AGBL4: variants seen among roughly 807,000 people sequenced by gnomAD.
The protein encoded by AGBL4 is AGBL carboxypeptidase 4.
Under a neutral mutation model 66.4 loss-of-function variants are expected in AGBL4, and 58 were observed. That is an observed-to-expected ratio of 0.87 (90% confidence interval 0.71 to 1.09). The LOEUF is 1.09. Ranked by LOEUF, AGBL4 falls within the 50% of genes least tolerant of loss-of-function variation. The pLI is 0.00. For missense variants in AGBL4, 579 were observed against 631.0 expected (o/e 0.92, Z 0.88); for synonymous variants, 234 against 222.9 (o/e 1.05, Z -0.44).
At chr1:48,989,330 G>C (rs565118699) in intron 5 of AGBL4, among the ~76,000 whole-genome samples, 2 of 152,014 alleles carry the variant, frequency 1.3e-5, no homozygotes, top group South Asian at 4.2e-4. Flanking sequence ...CAAGGTAAAT[G>C]GGGTATCCAT....
rs968566181 is a variant in AGBL4 at position 49,056,255 on chromosome 1, G to GA, written c.378-10456dup. Among the ~76,000 whole-genome samples, 128 of 145,488 alleles carry GA rather than the reference G, an allele frequency of 8.8e-4. 1 individual carries two copies. Among genetic ancestry groups the GA allele is most frequent in the African/African-American group, 2.9e-3 (114 of 39,680 alleles). On this transcript the variant is annotated intron_variant, in intron 4 of 13. Coordinates refer to ENST00000371839, the MANE Select transcript of AGBL4 (RefSeq NM_032785.4). The stretch of plus-strand genomic sequence containing the variant: ...CTAGCTGTTGTAGAAGCAGAAGGGG[G>GA]AAAAAAAAAAGCAATTCCATGCTTT...
At chr1:49,467,081 G>T (rs77052079) in intron 3 of AGBL4, among the ~76,000 whole-genome samples, 4,168 of 151,934 alleles carry the variant, frequency 0.027, 167 homozygotes, top group African/African-American at 0.095. Context: ...GGAAACTAAG[G>T]TAGGAGGTGA....
intron 3 of AGBL4, among the ~76,000 whole-genome samples, chr1:49,474,920 C>T (rs1204366768): frequency 1.3e-5 from 2 of 151,980 alleles, no homozygotes; most frequent in Non-Finnish European, 2.9e-5. Context: ...TATGTAGATG[C>T]CTTTTATTTC....
Position 49,576,556 on chromosome 1 carries a change from A to T in AGBL4, c.282+120757T>A, listed in dbSNP as rs143413985. 5.1e-4 allele frequency among the ~76,000 whole-genome samples: 77 copies of T among 152,348 alleles called. 1 individual carries two copies. The East Asian group carries it at 0.011, about 23-fold the overall frequency. ...GAAACTGAAAGTTTGACTATGGGTC[A>T]TCAAGTCACCATGCGAATTGAACTG... On this transcript the variant is annotated intron_variant, in intron 3 of 13. Coordinates refer to ENST00000371839, the MANE Select transcript of AGBL4 (RefSeq NM_032785.4).
At chr1:49,426,881 G>A (rs1459336928) in intron 3 of AGBL4, among the ~76,000 whole-genome samples, 1 of 152,116 alleles carries the variant, frequency 6.6e-6, no homozygotes, top group Non-Finnish European at 1.5e-5. Flanking sequence ...GAAGAAGGAA[G>A]TGTTGAAAAA....
At chr1:48,670,141 A>G (rs535020862) in intron 6 of AGBL4, among the ~76,000 whole-genome samples, 66 of 152,250 alleles carry the variant, frequency 4.3e-4, no homozygotes, top group South Asian at 1.5e-3. Context: ...TTTCTGGTGT[A>G]CCTCCCTATC....
At chr1:48,539,601 G>A in intron 12 of AGBL4, 41 bp downstream of exon 12, 1 of 1,461,712 alleles carries the variant, frequency 6.8e-7, no homozygotes, top group Non-Finnish European at 9.2e-7. Flanking sequence ...ACAGCCCGTG[G>A]AGCAGAACTC....
intron 1 of AGBL4, among the ~76,000 whole-genome samples, chr1:49,883,854 C>G (rs1204624334): frequency 6.6e-6 from 1 of 151,778 alleles, no homozygotes; most frequent in Admixed American, 6.6e-5. Context: ...AAAAACTAAG[C>G]CTGCAGTGTT....
chr1:49,973,602 T>C (rs1458154806), intron 1 of AGBL4, among the ~76,000 whole-genome samples: 7 of 148,494 alleles, frequency 4.7e-5, no homozygotes, highest in African/African-American at 1.7e-4. Flanking sequence ...TATATATTGT[T>C]ATATATGGAT....
intron 2 of AGBL4, among the ~76,000 whole-genome samples, chr1:49,838,052 T>C (rs1645897642): frequency 6.6e-6 from 1 of 152,122 alleles, no homozygotes; most frequent in Non-Finnish European, 1.5e-5. Context: ...TCGTGCCAGG[T>C]AGTTCAATAA....
At chr1:48,567,496 A>G (rs764862530) in intron 11 of AGBL4, among the ~76,000 whole-genome samples, 2 of 152,202 alleles carry the variant, frequency 1.3e-5, no homozygotes, top group Admixed American at 6.5e-5. Context: ...GCAGCTCTCA[A>G]AGCTATAGCA....
Position 49,740,241 on chromosome 1 carries a change from G to A in AGBL4, c.158-42804C>T, listed in dbSNP as rs576395298. ...AAATGGAAAACAAAAAAAGGCAGGG[G>A]TTGCAATCCTAGTCTCTGATAAAAC... On this transcript the variant is annotated intron_variant, in intron 2 of 13. Coordinates refer to ENST00000371839, the MANE Select transcript of AGBL4 (RefSeq NM_032785.4). Among the ~76,000 whole-genome samples the A allele has an allele frequency of 3.2e-4, 49 of 152,176 alleles. 1 individual carries two copies. The South Asian group carries it at 9.3e-3, about 29-fold the overall frequency.
chr1:49,254,169 C>A (rs1472342427), intron 3 of AGBL4, among the ~76,000 whole-genome samples: 1 of 152,020 alleles, frequency 6.6e-6, no homozygotes, highest in Non-Finnish European at 1.5e-5. Flanking sequence ...CTGGCCAGGG[C>A]AATCAGGCAA....
intron 6 of AGBL4, among the ~76,000 whole-genome samples, chr1:48,794,150 AAC>A (rs1645614614): frequency 6.6e-6 from 1 of 152,192 alleles, no homozygotes; most frequent in African/African-American, 2.4e-5. Flanking sequence ...ACATTTTTAG[AAC>A]AGTTAGTGGG....
chr1:49,602,280 G>A (rs1178011820), intron 3 of AGBL4, among the ~76,000 whole-genome samples: 3 of 152,174 alleles, frequency 2.0e-5, no homozygotes, highest in Non-Finnish European at 2.9e-5. Flanking sequence ...GTGGAGGACA[G>A]TGTGGCGATT....
In AGBL4 at chr1:49,298,894, C is replaced by T. The variant is rs1570375928; in HGVS notation, c.283-53030G>A. ...TCTGACATTCATGATCCTCTGCAAT[C>T]TAGCCACTCGTATGTGTGTCCTGAC... On this transcript the variant is annotated intron_variant, in intron 3 of 13. Transcript: ENST00000371839. 3.3e-5 allele frequency among the ~76,000 whole-genome samples: 5 copies of T among 152,288 alleles called. No individual in the cohort carries two copies. The East Asian group carries it at 7.7e-4, about 24-fold the overall frequency.
chr1:49,325,384 G>A (rs1645209834), intron 3 of AGBL4, among the ~76,000 whole-genome samples: 1 of 152,146 alleles, frequency 6.6e-6, no homozygotes, highest in African/African-American at 2.4e-5. Context: ...AAGGAAAAGT[G>A]TTAGCATCTC....
At chr1:49,977,479 T>C (rs1402636489) in intron 1 of AGBL4, among the ~76,000 whole-genome samples, 1 of 152,244 alleles carries the variant, frequency 6.6e-6, no homozygotes, top group Non-Finnish European at 1.5e-5. Context: ...ATCAACACCA[T>C]TCAAAACAGA....
chr1:49,021,445 T>C (rs905099911), intron 5 of AGBL4, among the ~76,000 whole-genome samples: 3 of 152,016 alleles, frequency 2.0e-5, no homozygotes, highest in Non-Finnish European at 2.9e-5. Context: ...TGGGAGGTAA[T>C]GAAATCATAA....
Sources: gnomAD v4.1 joint callset for allele counts (sites outside exome capture counted in the v4.1 genomes callset) on GRCh38, gnomAD v4.1.1 for gene constraint, MANE v1.5 for transcripts, NCBI Gene and HGNC (gene_info 2026-07-23, HGNC 2026-07-21) for gene names.